MYO16: variants seen among roughly 807,000 people sequenced by gnomAD.
The protein encoded by MYO16 is unconventional myosin-XVI.
In MYO16, 94 loss-of-function variants were observed where a neutral mutation model predicts 205.3. The observed-to-expected ratio is 0.46, with a 90% CI of 0.39 to 0.54. MYO16 has a LOEUF of 0.54. MYO16 is among the 20% of genes least tolerant of loss of function. The pLI is 0.00. For synonymous variants in MYO16, 988 were observed against 954.0 expected (o/e 1.04, Z -0.66); for missense variants, 2,315 against 2,387.5 (o/e 0.97, Z 0.63).
At chr13:108,695,036 C>T (rs1181477861) in intron 2 of MYO16, among the ~76,000 whole-genome samples, 6 of 152,148 alleles carry the variant, frequency 3.9e-5, no homozygotes, top group South Asian at 2.1e-4. Flanking sequence ...CTCTTGAACC[C>T]GGGAGGCAGA....
At chr13:108,974,473 A>T (rs896361172) in intron 20 of MYO16, among the ~76,000 whole-genome samples, 1 of 152,186 alleles carries the variant, frequency 6.6e-6, no homozygotes, top group Non-Finnish European at 1.5e-5. Flanking sequence ...CCAAAAATCC[A>T]TAAAATTGGG....
chr13:109,058,229 C>T (rs1166570089), intron 27 of MYO16, among the ~76,000 whole-genome samples: 2 of 152,102 alleles, frequency 1.3e-5, no homozygotes, highest in Non-Finnish European at 2.9e-5. Flanking sequence ...TGCTTCCCCC[C>T]AGCCAAATGT....
Position 108,727,487 on chromosome 13 carries a change from A to G in MYO16, c.411A>G (p.Arg137=). The G allele has an allele frequency of 6.2e-7, 1 of 1,613,936 alleles. No homozygotes were observed. Among genetic ancestry groups the G allele is most frequent in the Non-Finnish European group, 8.5e-7 (1 of 1,179,898 alleles). ...TCATTGCAGAAATTCTGATTGACAG[A>G]GGAGTCAACGTCAACCACCAGGATG... ...NAFIAEILID[R]GVNVNHQDED... is the part of the protein sequence containing the mutation. The change falls in exon 4 of 35, where the codon AGA becomes AGG. Residue 137 remains arginine (R), a synonymous_variant. Transcript: ENST00000457511.
chr13:109,036,214 G>C (rs938411254), intron 23 of MYO16, among the ~76,000 whole-genome samples: 4 of 152,178 alleles, frequency 2.6e-5, no homozygotes, highest in Admixed American at 6.5e-5. Context: ...AAAATCCAGT[G>C]TTGGTGGATA....
rs182488445 is a variant in MYO16, at chr13:108,689,786, C to A, written c.293-22875C>A. The stretch of plus-strand genomic sequence containing the variant: ...TACCAAACCAGACTTTTAAACTCCA[C>A]CACAGCCTACATTTTTCTAGTTGTT... On this transcript the variant is annotated intron_variant, in intron 2 of 34. Transcript: ENST00000457511. 4.4e-3 allele frequency among the ~76,000 whole-genome samples: 674 copies of A among 152,142 alleles called. 7 individuals carry two copies. Among genetic ancestry groups the A allele is most frequent in the Non-Finnish European group, 7.8e-3 (533 of 67,974 alleles).
At chr13:109,153,973 G>A (rs1594134538) in intron 32 of MYO16, among the ~76,000 whole-genome samples, 1 of 152,122 alleles carries the variant, frequency 6.6e-6, no homozygotes, top group East Asian at 1.9e-4. Flanking sequence ...CTGCCCTGTG[G>A]CCCATCAGGG....
chr13:108,798,553 G>T (rs1430384458), intron 6 of MYO16, among the ~76,000 whole-genome samples: 1 of 152,094 alleles, frequency 6.6e-6, no homozygotes, highest in Non-Finnish European at 1.5e-5. Context: ...ATATGAAGGT[G>T]AATTCATCAG....
At chr13:108,981,427 A>G (rs190263582) in intron 20 of MYO16, among the ~76,000 whole-genome samples, 1 of 152,364 alleles carries the variant, frequency 6.6e-6, no homozygotes, top group East Asian at 1.9e-4. Context: ...TGCTTCTCTT[A>G]TAAGAGGTTA....
chr13:108,750,045 A>G (rs1885180992), intron 4 of MYO16, among the ~76,000 whole-genome samples: 1 of 146,914 alleles, frequency 6.8e-6, no homozygotes, highest in South Asian at 2.2e-4. Flanking sequence ...GCTTCTGGAA[A>G]AGGCAAAAGC....
chr13:109,188,419 A>T (rs1178640612), intron 34 of MYO16, among the ~76,000 whole-genome samples: 1 of 152,202 alleles, frequency 6.6e-6, no homozygotes, highest in South Asian at 2.1e-4. Flanking sequence ...TGTAGGCAAC[A>T]TAACAGATGA....
At chr13:109,130,302 C>CCAAG in intron 31 of MYO16, among the ~76,000 whole-genome samples, 1 of 152,312 alleles carries the variant, frequency 6.6e-6, no homozygotes, top group South Asian at 2.1e-4. Flanking sequence ...GGTGAGCAGA[C>CCAAG]CTTTCAGAAG....
chr13:109,027,718 C>G (rs1251064760), intron 23 of MYO16, among the ~76,000 whole-genome samples: 1 of 152,118 alleles, frequency 6.6e-6, no homozygotes, highest in Non-Finnish European at 1.5e-5. Context: ...AAGTACAGGA[C>G]AAGCAATAAA....
intron 1 of MYO16, among the ~76,000 whole-genome samples, chr13:108,636,793 AAATT>A (rs1880273340): frequency 6.6e-6 from 1 of 152,234 alleles, no homozygotes; most frequent in African/African-American, 2.4e-5. Flanking sequence ...TCTACTAAAT[AAATT>A]AGTTTCAATA....
At chr13:108,664,930 A>G (rs191797520) in intron 1 of MYO16, among the ~76,000 whole-genome samples, 1 of 152,350 alleles carries the variant, frequency 6.6e-6, no homozygotes, top group African/African-American at 2.4e-5. Context: ...GAACCGTAGC[A>G]GCCAAAATTC....
At chr13:109,198,761 TGA>T (rs1172314007) in intron 34 of MYO16, among the ~76,000 whole-genome samples, 1 of 152,188 alleles carries the variant, frequency 6.6e-6, no homozygotes, top group Non-Finnish European at 1.5e-5. Flanking sequence ...CCTGCATATG[TGA>T]CTCATATAAT....
At chr13:109,191,160 G>A (rs1566556614) in intron 34 of MYO16, among the ~76,000 whole-genome samples, 2 of 151,928 alleles carry the variant, frequency 1.3e-5, no homozygotes, top group African/African-American at 2.4e-5. Flanking sequence ...CAGAGGTTGC[G>A]GTGAGCCAAG....
In MYO16 at chr13:108,847,738, G is replaced by A. The variant is rs140380443; in HGVS notation, c.1248+3245G>A. Among the ~76,000 whole-genome samples the A allele has an allele frequency of 3.2e-3, 487 of 151,768 alleles. 2 individuals carry two copies. The highest frequency in any genetic ancestry group is 0.011 in the African/African-American group (462 of 41,362). On this transcript the variant is annotated intron_variant, in intron 10 of 34. Coordinates refer to ENST00000457511, the MANE Select transcript of MYO16 (RefSeq NM_001198950.3). ...TAACATTTGTTTTTATAATATCTCT[G>A]AGAACACAGAATGTTTCTTAAATTG...
intron 4 of MYO16, among the ~76,000 whole-genome samples, chr13:108,757,290 G>A (rs538443799): frequency 2.6e-5 from 4 of 152,124 alleles, no homozygotes; most frequent in Non-Finnish European, 5.9e-5. Flanking sequence ...CACCATGAGA[G>A]GAGCGCTTTG....
chr13:109,141,007 C>T lies in MYO16; in HGVS notation c.4795C>T (p.Pro1599Ser). ...ASPPSTPPPP[P>S]PPPGPPPAPY... ...CCCGCCGTCCACGCCGCCCCCGCCCCCGCCCCCGCCCGGGCCGCCCCCCGC... is the reference window on the plus strand; with the variant it reads ...CCCGCCGTCCACGCCGCCCCCGCCCTCGCCCCCGCCCGGGCCGCCCCCCGC... Residue 1599 changes from proline (P) to serine (S), a missense_variant, in exon 32 of 35, where the codon CCG becomes TCG. Physicochemically the swap from Pro to Ser is moderately conservative, Grantham distance 74. Transcript: ENST00000457511. The surrounding 1 kb of genome is among the most constrained non-coding windows in gnomAD (Gnocchi z 4.1). The T allele has an allele frequency of 3.8e-6, 5 of 1,322,872 alleles. No individual in the cohort carries two copies. Among genetic ancestry groups the T allele is most frequent in the Non-Finnish European group, 4.8e-6 (5 of 1,038,768 alleles). The allele number at this position is 1,322,872 out of a possible 1,614,324, so 81.9% of individuals were successfully genotyped here.
Sources: gnomAD v4.1 joint callset for allele counts (sites outside exome capture counted in the v4.1 genomes callset) on GRCh38, gnomAD v4.1.1 for gene constraint, Gnocchi (gnomAD v3.1) non-coding constraint, MANE v1.5 for transcripts, NCBI Gene and HGNC (gene_info 2026-07-23, HGNC 2026-07-21) for gene names.